The following TMEM117 variants were observed in gnomAD, a reference collection of about 807,000 sequenced individuals.
TMEM117 encodes transmembrane protein 117.
Under a neutral mutation model 52.4 loss-of-function variants are expected in TMEM117, and 27 were observed. The observed-to-expected ratio is 0.51, with a 90% CI of 0.38 to 0.71. The LOEUF (loss-of-function observed/expected upper bound fraction) is 0.71. TMEM117 is among the 30% of genes least tolerant of loss of function. The pLI is 0.00. For synonymous variants in TMEM117, 215 were observed against 206.3 expected (o/e 1.04, Z -0.36); for missense variants, 556 against 630.5 (o/e 0.88, Z 1.26).
intron 3 of TMEM117, among the ~76,000 whole-genome samples, chr12:44,136,064 G>T (rs1948486113): frequency 1.3e-5 from 2 of 152,042 alleles, no homozygotes; most frequent in African/African-American, 4.8e-5. Context: ...AAAACTTATG[G>T]CAATGCATTG....
intron 6 of TMEM117, among the ~76,000 whole-genome samples, chr12:44,309,669 T>C (rs1950948498): frequency 1.3e-5 from 2 of 151,650 alleles, no homozygotes; most frequent in Non-Finnish European, 2.9e-5. Flanking sequence ...TACAAAACCT[T>C]CCAATAAGGA....
chr12:44,328,585 A>G (rs749617177), intron 6 of TMEM117, among the ~76,000 whole-genome samples: 1 of 152,148 alleles, frequency 6.6e-6, no homozygotes, highest in Non-Finnish European at 1.5e-5. Flanking sequence ...ACGTGTTACA[A>G]TCACTGATAT....
At chr12:43,821,867 T>G in the TMEM117 span, among the ~76,000 whole-genome samples, 1 of 152,220 alleles carries the variant, frequency 6.6e-6, no homozygotes, top group African/African-American at 2.4e-5. Flanking sequence ...TCAAGAAAGG[T>G]AAGTTTTTAA....
At chr12:44,186,378 T>C (rs1273380000) in intron 4 of TMEM117, among the ~76,000 whole-genome samples, 1 of 152,144 alleles carries the variant, frequency 6.6e-6, no homozygotes, top group African/African-American at 2.4e-5. Context: ...GAGGCAGATA[T>C]CCTTCATTCT....
intron 6 of TMEM117, among the ~76,000 whole-genome samples, chr12:44,352,314 A>G (rs572625338): frequency 6.6e-6 from 1 of 151,982 alleles, no homozygotes; most frequent in East Asian, 1.9e-4. Flanking sequence ...TTATTATTAT[A>G]CTGTAATTTT....
intron 4 of TMEM117, among the ~76,000 whole-genome samples, chr12:44,177,353 C>T (rs116239101): frequency 1.7e-3 from 253 of 152,234 alleles, no homozygotes; most frequent in African/African-American, 5.8e-3. Context: ...AGGCTCAATG[C>T]GAAATGAACA....
the TMEM117 span, chr12:43,806,115 T>C: frequency 6.6e-7 from 1 of 1,523,912 alleles, no homozygotes; most frequent in Non-Finnish European, 8.8e-7. Flanking sequence ...GAGACCGACT[T>C]CCGGAGCTCC....
At chr12:44,125,143 C>A (rs192596092) in intron 3 of TMEM117, among the ~76,000 whole-genome samples, 1 of 151,948 alleles carries the variant, frequency 6.6e-6, no homozygotes, top group Non-Finnish European at 1.5e-5. Context: ...CTTGCTCTTT[C>A]GCCCAGGCTG....
At chr12:44,287,747 C>T (rs1268579203) in intron 5 of TMEM117, among the ~76,000 whole-genome samples, 1 of 152,164 alleles carries the variant, frequency 6.6e-6, no homozygotes, top group African/African-American at 2.4e-5. Flanking sequence ...TGTCATGAGT[C>T]AGCCTGGACT....
chr12:44,008,882 G>A (rs1671734044), intron 3 of TMEM117: 1 of 426,518 alleles, frequency 2.3e-6, no homozygotes, highest in Admixed American at 3.1e-5. Context: ...CCCGCACCAT[G>A]AGCATCTATA....
At chr12:44,127,178 T>A (rs1393340213) in intron 3 of TMEM117, among the ~76,000 whole-genome samples, 1 of 152,166 alleles carries the variant, frequency 6.6e-6, no homozygotes, top group Non-Finnish European at 1.5e-5. Flanking sequence ...CATAGAGATT[T>A]TAAAATATTG....
At chr12:44,391,191 C>T (rs1022217277), downstream of TMEM117, among the ~76,000 whole-genome samples, 5 of 152,178 alleles carry the variant, frequency 3.3e-5, no homozygotes, top group East Asian at 7.7e-4. Flanking sequence ...ATTTTAGTAT[C>T]CTACATTTAT....
chr12:44,114,361 C>G lies in TMEM117; in HGVS notation c.411-29164C>G, dbSNP rs569082122. On this transcript the variant is annotated intron_variant, in intron 3 of 7. Coordinates refer to ENST00000266534, the MANE Select transcript of TMEM117 (RefSeq NM_032256.3). ...TGAGTGAATGGCTATGGAAATAAAA[C>G]GATTTTATAACTAGATATACAGTAA... Among the ~76,000 whole-genome samples the G allele has an allele frequency of 4.6e-5, 7 of 152,192 alleles. No homozygotes were observed. In the South Asian group the frequency reaches 8.3e-4, roughly 18 times the overall value.
At position 44,283,456 on chromosome 12, in the gene TMEM117, G is replaced by A. The variant is rs143688184; in HGVS notation, c.609-16124G>A. 5.4e-3 allele frequency among the ~76,000 whole-genome samples: 825 copies of A among 152,262 alleles called. 13 individuals are homozygous for A. The highest frequency in any genetic ancestry group is 0.018 in the African/African-American group (755 of 41,552). On this transcript the variant is annotated intron_variant, in intron 5 of 7. Coordinates refer to ENST00000266534, the MANE Select transcript of TMEM117 (RefSeq NM_032256.3). Reference sequence around the variant, plus strand: ...TCAGCGTGACCTGATTTTGAGACTTGGAATCAAAGGAGATCATTCTGGAGC... The same window carrying A: ...TCAGCGTGACCTGATTTTGAGACTTAGAATCAAAGGAGATCATTCTGGAGC...
At chr12:43,938,057 A>G (rs756388758) in intron 2 of TMEM117, among the ~76,000 whole-genome samples, 11 of 151,828 alleles carry the variant, frequency 7.2e-5, no homozygotes, top group Admixed American at 3.9e-4. Flanking sequence ...GCTCCCTGAA[A>G]AGAGCCCGTA....
chr12:44,369,811 C>A (rs1951838175), intron 6 of TMEM117, among the ~76,000 whole-genome samples: 1 of 152,072 alleles, frequency 6.6e-6, no homozygotes, highest in Non-Finnish European at 1.5e-5. Context: ...ATTTTAAATT[C>A]TTTAAATAGC....
intron 4 of TMEM117, among the ~76,000 whole-genome samples, chr12:44,166,751 C>A (rs1370724036): frequency 6.6e-6 from 1 of 152,176 alleles, no homozygotes; most frequent in African/African-American, 2.4e-5. Context: ...CCTGCAAAAT[C>A]TTCTTCCTCT....
rs1944457395 is a variant in TMEM117 at position 43,909,589 on chromosome 12, A to T, written c.278-34621A>T. Among the ~76,000 whole-genome samples the T allele has an allele frequency of 2.0e-5, 3 of 150,952 alleles. No homozygotes were observed. In the South Asian group the frequency reaches 6.3e-4, roughly 32 times the overall value. On this transcript the variant is annotated intron_variant, in intron 2 of 7. Transcript: ENST00000266534. ...TTTTTTGAAAGGATCAACAAAATTG[A>T]TAGACCGCTAGCAAGACTAATAAAG...
chr12:44,242,164 G>T (rs569494147), intron 5 of TMEM117, among the ~76,000 whole-genome samples: 127 of 151,196 alleles, frequency 8.4e-4, no homozygotes, highest in African/African-American at 2.7e-3. Flanking sequence ...AGATTCAAGG[G>T]TACATGTGCA....
Sources: gnomAD v4.1 joint callset for allele counts (sites outside exome capture counted in the v4.1 genomes callset) on GRCh38, gnomAD v4.1.1 for gene constraint, MANE v1.5 for transcripts, NCBI Gene and HGNC (gene_info 2026-07-23, HGNC 2026-07-21) for gene names.